PIM1: variants seen among roughly 807,000 people sequenced by gnomAD.
PIM1 encodes Pim-1 proto-oncogene, serine/threonine kinase, also known as serine/threonine-protein kinase pim-1.
In PIM1, 9 loss-of-function variants were observed where a neutral mutation model predicts 34.5. That is an observed-to-expected ratio of 0.26 (90% confidence interval 0.16 to 0.46). The LOEUF (loss-of-function observed/expected upper bound fraction) is 0.46. PIM1 is among the 20% of genes least tolerant of loss of function. PIM1 has a pLI of 1.00. For missense variants in PIM1, 274 were observed against 410.9 expected, an observed-to-expected ratio of 0.67 and a Z score of 2.88; for synonymous variants, 199 against 175.2, an observed-to-expected ratio of 1.14 and a Z score of -1.07.
chr6:37,173,583 G>A (rs1762346695), intron 5 of PIM1, among the ~76,000 whole-genome samples: 1 of 152,188 alleles, frequency 6.6e-6, no homozygotes, highest in Non-Finnish European at 1.5e-5. Context: ...GTGTTTGTAA[G>A]TTGGTAGGTG....
rs1406446559 is a variant in PIM1 at position 37,171,484 on chromosome 6, C to T, written c.600C>T (p.Asp200=). The T allele has an allele frequency of 3.7e-6, 6 of 1,613,164 alleles. No individual in the cohort carries two copies. The highest frequency in any genetic ancestry group is 5.1e-6 in the Non-Finnish European group (6 of 1,179,912). Residue 200 remains aspartate, a synonymous_variant, in exon 4 of 6, where the codon GAC becomes GAT. Transcript: ENST00000373509. ...GALLKDTVYT[D]FDGTRVYSPP... Reference sequence around the variant, plus strand: ...TGCTCAAGGACACCGTCTACACGGACTTCGATGGTGAGCCAGGCCCGGGAG... The same window carrying T: ...TGCTCAAGGACACCGTCTACACGGATTTCGATGGTGAGCCAGGCCCGGGAG...
At chr6:37,172,084 A>C (rs1015104751) in intron 4 of PIM1, among the ~76,000 whole-genome samples, 4 of 151,958 alleles carry the variant, frequency 2.6e-5, no homozygotes, top group Non-Finnish European at 5.9e-5. Context: ...CTCCGCAGAG[A>C]GGATGAAAAC....
At chr6:37,172,536 T>C (rs1404034444) in intron 4 of PIM1, 2 of 451,044 alleles carry the variant, frequency 4.4e-6, no homozygotes, top group Non-Finnish European at 8.9e-6. Context: ...AAGGGCACCC[T>C]GACTTAGGAT....
In PIM1 at chr6:37,170,447, AG is replaced by A; in HGVS notation, c.-128del. ...GGCCTTCCGCGCCAGCCGCAGCCAC[AG>A]CCGCAACGCCACCCGCAGCCACAGC... On this transcript the variant is annotated 5_prime_UTR_variant, in exon 1 of 6. Coordinates refer to ENST00000373509, the MANE Select transcript of PIM1 (RefSeq NM_002648.4). The A allele has an allele frequency of 6.5e-7, 1 of 1,545,688 alleles. No homozygotes were observed.
chr6:37,175,209 C>T lies in PIM1; in HGVS notation c.*1118C>T, dbSNP rs570659306. ...ACCTACTTACCCAGGTGGGTCCCGGCTCTGTGGGTGATGGGGAGGGGCATT... is the reference window on the plus strand; with the variant it reads ...ACCTACTTACCCAGGTGGGTCCCGGTTCTGTGGGTGATGGGGAGGGGCATT... On this transcript the variant is annotated 3_prime_UTR_variant, in exon 6 of 6. Transcript: ENST00000373509. 2 of 233,704 alleles carry T rather than the reference C, an allele frequency of 8.6e-6. No homozygotes were observed. Among genetic ancestry groups the T allele is most frequent in the South Asian group, 1.8e-4 (1 of 5,526 alleles). The allele number at this position is 233,704 out of a possible 1,614,324, so 14.5% of individuals were successfully genotyped here.
intron 4 of PIM1, chr6:37,172,452 A>G: frequency 2.6e-6 from 1 of 386,288 alleles, no homozygotes; most frequent in South Asian, 1.9e-5. Context: ...AGCTCTGTCT[A>G]CCTTTCCAGT....
rs1348018209 is a variant in PIM1, at chr6:37,174,751, GA to G, written c.*662del. 4.3e-6 allele frequency: 1 copy of G among 233,566 alleles called. No individual in the cohort carries two copies. 14.5% of individuals were successfully genotyped at this position (233,566 alleles called of 1,614,324 possible). ...TGCCTCCTTTAGTAAAACTCCGAGT[GA>G]ACTGGTCTTCCTTTTTGGTTTTTAC... On this transcript the variant is annotated 3_prime_UTR_variant, in exon 6 of 6. Transcript: ENST00000373509.
In PIM1 at chr6:37,172,396, C is replaced by T. The variant is rs542173444; in HGVS notation, c.608-600C>T. On this transcript the variant is annotated intron_variant, in intron 4 of 5. Coordinates refer to ENST00000373509, the MANE Select transcript of PIM1 (RefSeq NM_002648.4). ...ATGGCCCCTCCTTTTTCTTTTACTA[C>T]CCAAAGTTTGTAAACAGGAATCACG... 8.1e-4 allele frequency: 283 copies of T among 348,264 alleles called. 5 individuals carry two copies. The highest frequency in any genetic ancestry group is 5.9e-3 in the South Asian group (271 of 45,748). 21.6% of individuals were successfully genotyped at this position (348,264 alleles called of 1,614,324 possible).
Position 37,170,358 on chromosome 6 carries a change from C to T in PIM1, c.-218C>T. 1 of 1,519,028 alleles carries T rather than the reference C, an allele frequency of 6.6e-7. No individual in the cohort carries two copies. Among genetic ancestry groups the T allele is most frequent in the Non-Finnish European group, 8.8e-7 (1 of 1,139,236 alleles). 94.1% of individuals were successfully genotyped at this position (1,519,028 alleles called of 1,614,324 possible). ...CCGCCGTTCTCAGCGCTGCCCGACC[C>T]CGCTGGCGCGCCCTCCCGCCGCCAG... On this transcript the variant is annotated 5_prime_UTR_variant, in exon 1 of 6. Transcript: ENST00000373509.
rs1762247517 is a variant in PIM1 at position 37,170,367 on chromosome 6, C to T, written c.-209C>T. 1 of 1,520,256 alleles carries T rather than the reference C, an allele frequency of 6.6e-7. No homozygotes were observed. Among genetic ancestry groups the T allele is most frequent in the African/African-American group, 1.4e-5 (1 of 70,598 alleles). 94.2% of individuals were successfully genotyped at this position (1,520,256 alleles called of 1,614,324 possible). ...TCAGCGCTGCCCGACCCCGCTGGCG[C>T]GCCCTCCCGCCGCCAGTCCCGGCAG... On this transcript the variant is annotated 5_prime_UTR_variant, in exon 1 of 6. Transcript: ENST00000373509.
chr6:37,172,967 GTT>G, intron 4 of PIM1, 27 bp from the exon 5 acceptor site: 1 of 1,605,688 alleles, frequency 6.2e-7, no homozygotes, highest in Non-Finnish European at 8.5e-7. Context: ...CTAAAAGTGT[GTT>G]TTCTCTTCTA....
chr6:37,170,475 A>G lies in PIM1; in HGVS notation c.-101A>G, dbSNP rs1267088780. The G allele has an allele frequency of 1.3e-6, 2 of 1,571,862 alleles. No individual in the cohort carries two copies. Among genetic ancestry groups the G allele is most frequent in the East Asian group, 2.4e-5 (1 of 42,372 alleles). On this transcript the variant is annotated 5_prime_UTR_variant, in exon 1 of 6. Transcript: ENST00000373509. Reference sequence around the variant, plus strand: ...CGCAACGCCACCCGCAGCCACAGCCACAGCCACAGCCCCAGGCATAGCCTT... The same window carrying G: ...CGCAACGCCACCCGCAGCCACAGCCGCAGCCACAGCCCCAGGCATAGCCTT...
intron 1 of PIM1, 55 bp from the exon 2 acceptor site, chr6:37,170,718 G>A (rs1762261066): frequency 6.2e-7 from 1 of 1,606,162 alleles, no homozygotes; most frequent in Non-Finnish European, 8.5e-7. Context: ...CTCCTGGGTG[G>A]GGAGCTGGCG....
Position 37,170,308 on chromosome 6 carries a change from G to A in PIM1, c.-268G>A. 3 of 1,446,526 alleles carry A rather than the reference G, an allele frequency of 2.1e-6. No individual in the cohort carries two copies. Among genetic ancestry groups the A allele is most frequent in the Non-Finnish European group, 2.7e-6 (3 of 1,104,390 alleles). The allele number at this position is 1,446,526 out of a possible 1,614,324, so 89.6% of individuals were successfully genotyped here. A position where few individuals can be genotyped will look rare whatever the true frequency, so the allele number is the denominator to read the frequency against. ...TAGCCTCCTGCCCCGCGGCGCTGCC[G>A]CACGAGCCCCACGAGCCGCTCACCC... is the stretch of plus-strand genomic sequence containing the variant. On this transcript the variant is annotated 5_prime_UTR_variant, in exon 1 of 6. Transcript: ENST00000373509.
intron 3 of PIM1, 34 bp downstream of exon 3, chr6:37,171,065 G>C (rs1398079610): frequency 6.2e-7 from 1 of 1,613,888 alleles, no homozygotes; most frequent in East Asian, 2.2e-5. Context: ...CCCAGGATGA[G>C]TGGGTGGGGT....
chr6:37,174,003 A>G lies in PIM1; in HGVS notation c.854A>G (p.Gln285Arg). Residue 285 changes from glutamine (Q) to arginine (R), a missense_variant, in exon 6 of 6, where the codon CAG becomes CGG. By Grantham distance (43) the Gln-to-Arg change is conservative (BLOSUM62 1). This residue lies in a region of PIM1 where 168 missense variants were observed against 299.4 expected (regional missense o/e 0.56). Coordinates refer to ENST00000373509, the MANE Select transcript of PIM1 (RefSeq NM_002648.4). ...PSDRPTFEEI[Q>R]NHPWMQDVLL... is the part of the protein sequence containing the mutation. ...GATAGGCCAACCTTCGAAGAAATCC[A>G]GAACCATCCATGGATGCAAGATGTT... 1 of 1,614,128 alleles carries G rather than the reference A, an allele frequency of 6.2e-7. No individual in the cohort carries two copies. Among genetic ancestry groups the G allele is most frequent in the South Asian group, 1.1e-5 (1 of 91,084 alleles).
At position 37,170,647 on chromosome 6, in the gene PIM1, G is replaced by A. The variant is rs768952543; in HGVS notation, c.72G>A (p.Lys24=). ...AAPCNDLHAT[K]LAPGKEKEPL... ...CCTGCAACGACCTGCACGCCACCAA[G>A]CTGGCGCCCGGTGAGAGCACCCCCC... Residue 24 remains lysine, a synonymous_variant, in exon 1 of 6, where the codon AAG becomes AAA. Coordinates refer to ENST00000373509, the MANE Select transcript of PIM1 (RefSeq NM_002648.4). The A allele has an allele frequency of 1.2e-6, 2 of 1,612,172 alleles. No homozygotes were observed. The highest frequency in any genetic ancestry group is 1.7e-5 in the Admixed American group (1 of 59,946).
At position 37,170,302 on chromosome 6, in the gene PIM1, G is replaced by T. The variant is rs11550058; in HGVS notation, c.-274G>T. On this transcript the variant is annotated 5_prime_UTR_variant, in exon 1 of 6. Coordinates refer to ENST00000373509, the MANE Select transcript of PIM1 (RefSeq NM_002648.4). ...AACCACTAGCCTCCTGCCCCGCGGC[G>T]CTGCCGCACGAGCCCCACGAGCCGC... is the stretch of plus-strand genomic sequence containing the variant. 80 of 1,430,340 alleles carry T rather than the reference G, an allele frequency of 5.6e-5. No homozygotes were observed. The highest frequency in any genetic ancestry group is 7.3e-5 in the Non-Finnish European group (80 of 1,097,086). The allele number at this position is 1,430,340 out of a possible 1,614,324, so 88.6% of individuals were successfully genotyped here. A position where few individuals can be genotyped will look rare whatever the true frequency, so the allele number is the denominator to read the frequency against.
At position 37,170,280 on chromosome 6, in the gene PIM1, C is replaced by T. The variant is rs1762244941; in HGVS notation, c.-296C>T. On this transcript the variant is annotated 5_prime_UTR_variant, in exon 1 of 6. Transcript: ENST00000373509. ...CAGCAGCAGCAGCAGCAGCAGCAACCACTAGCCTCCTGCCCCGCGGCGCTG... is the reference window on the plus strand; with the variant it reads ...CAGCAGCAGCAGCAGCAGCAGCAACTACTAGCCTCCTGCCCCGCGGCGCTG... 1.4e-6 allele frequency: 2 copies of T among 1,386,352 alleles called. No individual in the cohort carries two copies. Among genetic ancestry groups the T allele is most frequent in the African/African-American group, 1.5e-5 (1 of 65,804 alleles). The allele number at this position is 1,386,352 out of a possible 1,614,324, so 85.9% of individuals were successfully genotyped here. A position where few individuals can be genotyped will look rare whatever the true frequency, so the allele number is the denominator to read the frequency against.
Sources: gnomAD v4.1 joint callset for allele counts (sites outside exome capture counted in the v4.1 genomes callset) on GRCh38, gnomAD v4.1.1 for gene constraint, gnomAD v4.1.1 regional missense constraint, MANE v1.5 for transcripts, NCBI Gene and HGNC (gene_info 2026-07-23, HGNC 2026-07-21) for gene names.